Variants in CDKAL1 observed in about 807,000 individuals in gnomAD.
The protein encoded by CDKAL1 is CDKAL1 threonylcarbamoyladenosine tRNA methylthiotransferase.
A neutral mutation model predicts 68.2 loss-of-function variants in CDKAL1; 32 were observed. The observed-to-expected ratio is 0.47, with a 90% confidence interval of 0.35 to 0.63. CDKAL1 has a LOEUF of 0.63. Ranked by LOEUF, CDKAL1 falls within the 30% of genes least tolerant of loss-of-function variation. The pLI, the probability that CDKAL1 is intolerant of heterozygous loss-of-function variation, is 0.00. For synonymous variants in CDKAL1, 234 were observed against 244.3 expected (o/e 0.96, Z 0.39); for missense variants, 606 against 696.7 (o/e 0.87, Z 1.47).
chr6:21,046,296 A>G (rs889774211), intron 11 of CDKAL1, among the ~76,000 whole-genome samples: 2 of 152,216 alleles, frequency 1.3e-5, no homozygotes, highest in African/African-American at 2.4e-5. Context: ...TCTGTAATAT[A>G]GCGGCTTTGT....
At chr6:20,997,060 T>A (rs927550255) in intron 10 of CDKAL1, among the ~76,000 whole-genome samples, 15 of 152,240 alleles carry the variant, frequency 9.9e-5, no homozygotes, top group Non-Finnish European at 1.6e-4. Flanking sequence ...AACCCATATC[T>A]GTATTTAAAT....
chr6:20,646,681 C>T (rs74945268), intron 4 of CDKAL1, among the ~76,000 whole-genome samples: 4,525 of 152,058 alleles, frequency 0.03, 86 homozygotes, highest in Non-Finnish European at 0.047. Flanking sequence ...GAAGAATGTG[C>T]CAGGATATAA....
intron 8 of CDKAL1, among the ~76,000 whole-genome samples, chr6:20,830,279 T>C (rs1334593034): frequency 6.6e-6 from 1 of 152,156 alleles, no homozygotes; most frequent in African/African-American, 2.4e-5. Context: ...ATGACTCTCT[T>C]TTCCCTTTCT....
At chr6:20,647,264 C>T (rs745426488) in intron 4 of CDKAL1, among the ~76,000 whole-genome samples, 1 of 152,150 alleles carries the variant, frequency 6.6e-6, no homozygotes, top group South Asian at 2.1e-4. Context: ...AGGTGTGAGT[C>T]TCAGTCCTAA....
intron 12 of CDKAL1, among the ~76,000 whole-genome samples, chr6:21,083,770 G>A (rs1772547182): frequency 6.6e-6 from 1 of 152,070 alleles, no homozygotes; most frequent in Non-Finnish European, 1.5e-5. Context: ...CAGTTCCTAA[G>A]CCTTTTTTAT....
intron 9 of CDKAL1, among the ~76,000 whole-genome samples, chr6:20,948,957 T>G (rs1350957622): frequency 6.6e-6 from 1 of 152,254 alleles, no homozygotes; most frequent in Non-Finnish European, 1.5e-5. Flanking sequence ...AACAGTATTC[T>G]TTCTGATTAT....
At chr6:20,726,370 T>A (rs1396783642) in intron 5 of CDKAL1, among the ~76,000 whole-genome samples, 2 of 152,212 alleles carry the variant, frequency 1.3e-5, no homozygotes. Flanking sequence ...TACTGACTGA[T>A]GCCTTTTGTT....
intron 10 of CDKAL1, among the ~76,000 whole-genome samples, chr6:20,973,532 C>T (rs1047898090): frequency 1.8e-4 from 28 of 152,180 alleles, no homozygotes; most frequent in Non-Finnish European, 4.4e-5. Context: ...TGCCAGTGTT[C>T]ACTGGGGTCT....
At chr6:20,980,449 G>C (rs926493977) in intron 10 of CDKAL1, among the ~76,000 whole-genome samples, 1 of 152,066 alleles carries the variant, frequency 6.6e-6, no homozygotes, top group African/African-American at 2.4e-5. Flanking sequence ...GTGTTAGCCA[G>C]GATGGTTTCA....
intron 9 of CDKAL1, among the ~76,000 whole-genome samples, chr6:20,905,560 T>C (rs1762194636): frequency 1.3e-5 from 2 of 152,112 alleles, no homozygotes; most frequent in Non-Finnish European, 2.9e-5. Flanking sequence ...CCACATTTGA[T>C]GAAAGACATG....
At chr6:20,734,733 A>T (rs1158219330) in intron 5 of CDKAL1, among the ~76,000 whole-genome samples, 3 of 152,184 alleles carry the variant, frequency 2.0e-5, no homozygotes, top group South Asian at 4.1e-4. Context: ...TAATGAAATA[A>T]TTTTTTCCCC....
rs969940290 is a variant in CDKAL1, at chr6:20,712,649, T to C, written c.372-26870T>C. ...TGTTGTTTTTCAAGAAAAAGTTATA[T>C]AACTTTTTTTTTTGAGATGGAGTCT... On this transcript the variant is annotated intron_variant, in intron 5 of 15. Coordinates refer to ENST00000274695, the MANE Select transcript of CDKAL1 (RefSeq NM_017774.3). Among the ~76,000 whole-genome samples, 6 of 150,742 alleles carry C rather than the reference T, an allele frequency of 4.0e-5. No homozygotes were observed. The South Asian group carries it at 1.0e-3, about 26-fold the overall frequency.
chr6:20,548,271 T>A (rs1331991142), intron 3 of CDKAL1, among the ~76,000 whole-genome samples: 1 of 152,148 alleles, frequency 6.6e-6, no homozygotes, highest in East Asian at 1.9e-4. Context: ...TGGTGGCTCA[T>A]GCCTGTAATT....
chr6:20,708,443 T>C (rs777135124), intron 5 of CDKAL1, among the ~76,000 whole-genome samples: 2 of 152,236 alleles, frequency 1.3e-5, no homozygotes, highest in African/African-American at 2.4e-5. Flanking sequence ...GGGCAGCTTA[T>C]GAGACAGATT....
At chr6:21,094,705 C>T (rs1200242142) in intron 12 of CDKAL1, among the ~76,000 whole-genome samples, 1 of 152,038 alleles carries the variant, frequency 6.6e-6, no homozygotes, top group East Asian at 1.9e-4. Context: ...ATAGAAGAAG[C>T]CAATAGATCC....
chr6:21,166,567 C>T (rs373848781), intron 13 of CDKAL1, among the ~76,000 whole-genome samples: 3 of 152,226 alleles, frequency 2.0e-5, no homozygotes, highest in East Asian at 3.9e-4. Flanking sequence ...TCTTGATAGG[C>T]CAGGTCCTTT....
intron 8 of CDKAL1, among the ~76,000 whole-genome samples, chr6:20,833,093 G>A (rs1455644011): frequency 6.6e-6 from 1 of 152,104 alleles, no homozygotes; most frequent in Non-Finnish European, 1.5e-5. Flanking sequence ...ATTCTGATTG[G>A]CTTAGGTCTG....
intron 15 of CDKAL1, among the ~76,000 whole-genome samples, chr6:21,213,166 G>C (rs1312643925): frequency 1.3e-5 from 2 of 152,166 alleles, no homozygotes; most frequent in Admixed American, 1.3e-4. Context: ...GTGATCACTG[G>C]TCACTTACCC....
At chr6:20,808,714 G>A (rs1581620653) in intron 8 of CDKAL1, among the ~76,000 whole-genome samples, 1 of 152,062 alleles carries the variant, frequency 6.6e-6, no homozygotes, top group East Asian at 1.9e-4. Context: ...TTGGATGTAT[G>A]TATTATTAGT....
Sources: allele counts gnomAD v4.1 joint callset (sites outside exome capture counted in the v4.1 genomes callset), GRCh38; gene constraint gnomAD v4.1.1; transcripts MANE v1.5; gene names NCBI Gene and HGNC (gene_info 2026-07-23, HGNC 2026-07-21).